The following SLC16A7 variants were observed in gnomAD, a reference collection of about 807,000 sequenced individuals.
The protein encoded by SLC16A7 is monocarboxylate transporter 2.
Under a neutral mutation model 34.9 loss-of-function variants are expected in SLC16A7, and 33 were observed. The ratio of observed to expected loss-of-function variants is 0.94; its 90% CI spans 0.72 to 1.26. The LOEUF (loss-of-function observed/expected upper bound fraction) is 1.26. Ranked by LOEUF, SLC16A7 falls within the 50% of genes most tolerant of loss-of-function variation. The pLI, the probability that SLC16A7 is intolerant of heterozygous loss-of-function variation, is 0.00. For synonymous variants in SLC16A7, 201 were observed against 206.6 expected (o/e 0.97, Z 0.23); for missense variants, 573 against 578.1 (o/e 0.99, Z 0.09).
At chr12:59,674,185 A>G (rs1343174544) in intron 2 of SLC16A7, among the ~76,000 whole-genome samples, 3 of 152,160 alleles carry the variant, frequency 2.0e-5, no homozygotes, top group Admixed American at 2.0e-4. Flanking sequence ...TACTAAAACA[A>G]TTTTCCATTT....
chr12:59,755,643 G>A (rs1476037953), intron 3 of SLC16A7, among the ~76,000 whole-genome samples: 1 of 152,118 alleles, frequency 6.6e-6, no homozygotes, highest in Non-Finnish European at 1.5e-5. Flanking sequence ...CATGCTCATG[G>A]GTAGGAAGAA....
At chr12:59,609,261 A>G (rs1879083329) in intron 1 of SLC16A7, among the ~76,000 whole-genome samples, 2 of 152,232 alleles carry the variant, frequency 1.3e-5, no homozygotes, top group South Asian at 4.1e-4. Flanking sequence ...AAGAACATAC[A>G]GTGTCCTGGG....
rs569671146 is a variant in SLC16A7 at position 59,647,832 on chromosome 12, C to T, written c.-129-7320C>T. ...TCTAGTTGGGAGGATCGCTTGATGC[C>T]GGGAGTTTGAGATCAGCCTGGGCAA... On this transcript the variant is annotated intron_variant, in intron 1 of 5. Transcript: ENST00000547379. Among the ~76,000 whole-genome samples, 38 of 151,826 alleles carry T rather than the reference C, an allele frequency of 2.5e-4. 1 individual carries two copies. The highest frequency in any genetic ancestry group is 1.2e-3 in the South Asian group (6 of 4,802).
intron 3 of SLC16A7, among the ~76,000 whole-genome samples, chr12:59,752,958 C>G (rs2137340093): frequency 6.6e-6 from 1 of 152,310 alleles, no homozygotes; most frequent in East Asian, 1.9e-4. Flanking sequence ...ATTCAACATT[C>G]TTAAAGAAAA....
intron 3 of SLC16A7, among the ~76,000 whole-genome samples, chr12:59,764,405 A>C (rs1277050689): frequency 6.6e-6 from 1 of 152,128 alleles, no homozygotes; most frequent in Admixed American, 6.6e-5. Flanking sequence ...ATATGTATAC[A>C]TGTGCCATGT....
At chr12:59,704,225 G>T (rs75689833) in intron 2 of SLC16A7, among the ~76,000 whole-genome samples, 1 of 121,892 alleles carries the variant, frequency 8.2e-6, no homozygotes, top group East Asian at 2.3e-4. Flanking sequence ...AAAAGAAAAA[G>T]AAAAAAAAAA....
At chr12:59,769,784 C>T (rs1335543549) in intron 3 of SLC16A7, among the ~76,000 whole-genome samples, 1 of 151,990 alleles carries the variant, frequency 6.6e-6, no homozygotes. Context: ...ATACAATACA[C>T]TTGGAAATTC....
At position 59,740,739 on chromosome 12, in the gene SLC16A7, G is replaced by A. The variant is rs1878222576; in HGVS notation, c.218-30480G>A. ...AATCAGGCAGGAGAAGGAAATAAAG[G>A]GTATTCAGTTAGGAAAAGAGGAAAT... is the stretch of plus-strand genomic sequence containing the variant. On this transcript the variant is annotated intron_variant, in intron 3 of 5. Transcript: ENST00000547379. Among the ~76,000 whole-genome samples the A allele has an allele frequency of 2.6e-5, 4 of 152,170 alleles. No individual in the cohort carries two copies. In the South Asian group the frequency reaches 8.3e-4, roughly 32 times the overall value.
chr12:59,724,058 ATT>A (rs1244554458), intron 3 of SLC16A7, among the ~76,000 whole-genome samples: 1 of 152,074 alleles, frequency 6.6e-6, no homozygotes, highest in African/African-American at 2.4e-5. Context: ...ATAGTATATG[ATT>A]TTAATATTTT....
intron 1 of SLC16A7, among the ~76,000 whole-genome samples, chr12:59,612,735 T>C (rs1162771576): frequency 1.3e-5 from 2 of 152,190 alleles, no homozygotes; most frequent in Non-Finnish European, 2.9e-5. Context: ...GTTCCACAGA[T>C]CTTTAGGGCA....
At chr12:59,759,302 T>C (rs755696223) in intron 3 of SLC16A7, among the ~76,000 whole-genome samples, 3 of 151,992 alleles carry the variant, frequency 2.0e-5, no homozygotes, top group Non-Finnish European at 4.4e-5. Flanking sequence ...CTGTTCTTTA[T>C]ATACCATTGG....
At chr12:59,703,405 C>A (rs1187490066) in intron 2 of SLC16A7, among the ~76,000 whole-genome samples, 1 of 151,890 alleles carries the variant, frequency 6.6e-6, no homozygotes, top group Non-Finnish European at 1.5e-5. Context: ...TAATTTGAGA[C>A]TGCTTTTTAA....
chr12:59,777,044 T>G (rs1882828251), intron 5 of SLC16A7, among the ~76,000 whole-genome samples: 2 of 152,092 alleles, frequency 1.3e-5, no homozygotes. Flanking sequence ...AAGAATCAAG[T>G]CCAAATACAT....
intron 1 of SLC16A7, among the ~76,000 whole-genome samples, chr12:59,604,262 T>C (rs1330104622): frequency 6.6e-6 from 1 of 152,242 alleles, no homozygotes; most frequent in Admixed American, 6.5e-5. Flanking sequence ...AAGGTATATA[T>C]AGCGATCTAC....
At chr12:59,755,340 G>T (rs1329496140) in intron 3 of SLC16A7, among the ~76,000 whole-genome samples, 1 of 152,170 alleles carries the variant, frequency 6.6e-6, no homozygotes, top group Non-Finnish European at 1.5e-5. Context: ...TGACATGATT[G>T]TATACCTAGA....
At chr12:59,619,704 T>A (rs1879611475) in intron 1 of SLC16A7, among the ~76,000 whole-genome samples, 1 of 151,984 alleles carries the variant, frequency 6.6e-6, no homozygotes. Context: ...TGTGAGATAC[T>A]GTTAACTCTG....
intron 4 of SLC16A7, among the ~76,000 whole-genome samples, chr12:59,771,926 C>A (rs1280430739): frequency 6.6e-6 from 1 of 152,136 alleles, no homozygotes; most frequent in African/African-American, 2.4e-5. Context: ...GTGAGCCACA[C>A]TTTCTTCTAA....
intron 3 of SLC16A7, among the ~76,000 whole-genome samples, chr12:59,766,844 A>C (rs1881698504): frequency 2.6e-5 from 4 of 152,274 alleles, no homozygotes; most frequent in Admixed American, 2.6e-4. Context: ...TGCTGGCCTC[A>C]TAAAATGAGT....
At chr12:59,738,830 A>AT (rs796677148) in intron 3 of SLC16A7, among the ~76,000 whole-genome samples, 43 of 141,860 alleles carry the variant, frequency 3.0e-4, no homozygotes, top group East Asian at 8.2e-4. Flanking sequence ...ATCCTCAAAG[A>AT]TTTTTTTTTT....
Sources: allele counts gnomAD v4.1 joint callset (sites outside exome capture counted in the v4.1 genomes callset), GRCh38; gene constraint gnomAD v4.1.1; transcripts MANE v1.5; gene names NCBI Gene and HGNC (gene_info 2026-07-23, HGNC 2026-07-21).